VPS13B: variants seen among roughly 807,000 people sequenced by gnomAD.
VPS13B encodes the protein intermembrane lipid transfer protein VPS13B.
VPS13B carries 285 observed loss-of-function variants against 426.4 expected under a neutral mutation model. The ratio of observed to expected loss-of-function variants is 0.67; its 90% CI spans 0.61 to 0.74. VPS13B has a LOEUF of 0.74. Ranked by LOEUF, VPS13B falls within the 30% of genes least tolerant of loss-of-function variation. The pLI is 0.00. For missense variants in VPS13B, 4,537 were observed against 4,782.6 expected (o/e 0.95, Z 1.51); for synonymous variants, 1,676 against 1,676.4 (o/e 1.00, Z 0.01).
In VPS13B at chr8:99,661,337, CAATTTT is replaced by C; in HGVS notation, c.5909-16_5909-11del. 6.2e-7 allele frequency: 1 copy of C among 1,613,240 alleles called. No individual in the cohort carries two copies. The highest frequency in any genetic ancestry group is 1.3e-5 in the African/African-American group (1 of 75,000). Reference sequence around the variant, plus strand: ...GTGATGTAACTGATGTTTTTAATTTCAATTTTGTCACTTTAGATCCTGGGAAGACTC... The same window carrying C: ...GTGATGTAACTGATGTTTTTAATTTCGTCACTTTAGATCCTGGGAAGACTC... On this transcript the variant is annotated splice_polypyrimidine_tract_variant and intron_variant, in intron 34 of 61. Transcript: ENST00000357162.
intron 56 of VPS13B, among the ~76,000 whole-genome samples, chr8:99,854,774 GA>G (rs1816464543): frequency 6.6e-6 from 1 of 152,180 alleles, no homozygotes; most frequent in African/African-American, 2.4e-5. Flanking sequence ...GAGAAATTCA[GA>G]GGATTTGTGT....
chr8:99,813,594 G>T (rs1174165218), intron 44 of VPS13B, among the ~76,000 whole-genome samples: 1 of 152,148 alleles, frequency 6.6e-6, no homozygotes, highest in Admixed American at 6.5e-5. Flanking sequence ...TAGTTCAGTT[G>T]ACTTTTATGG....
At chr8:99,033,708 C>G (rs1013247216) in intron 2 of VPS13B, among the ~76,000 whole-genome samples, 1 of 151,962 alleles carries the variant, frequency 6.6e-6, no homozygotes, top group Admixed American at 6.6e-5. Context: ...CCAGCCTGAC[C>G]ATCATGGTGA....
chr8:99,297,678 A>G (rs986395901), intron 19 of VPS13B, among the ~76,000 whole-genome samples: 1 of 152,212 alleles, frequency 6.6e-6, no homozygotes, highest in Non-Finnish European at 1.5e-5. Context: ...GTGGTTAGCT[A>G]GTGTTTATGT....
chr8:99,028,347 C>A (rs1204346656), intron 2 of VPS13B, among the ~76,000 whole-genome samples: 1 of 149,974 alleles, frequency 6.7e-6, no homozygotes, highest in Non-Finnish European at 1.5e-5. Flanking sequence ...GGGGGCTGAC[C>A]CCCCCACCTC....
chr8:99,517,398 C>T (rs1267122574), intron 29 of VPS13B, among the ~76,000 whole-genome samples: 1 of 152,100 alleles, frequency 6.6e-6, no homozygotes, highest in African/African-American at 2.4e-5. Context: ...TGCATCTGTA[C>T]ACACACGTAT....
intron 5 of VPS13B, among the ~76,000 whole-genome samples, chr8:99,106,434 CAAAA>C (rs71273163): frequency 2.4e-5 from 2 of 84,066 alleles, no homozygotes; most frequent in African/African-American, 5.0e-5. Context: ...GACTCCACCT[CAAAA>C]AAAAAAAAAA....
At chr8:99,833,562 A>C (rs1815207239) in intron 52 of VPS13B, among the ~76,000 whole-genome samples, 1 of 152,218 alleles carries the variant, frequency 6.6e-6, no homozygotes. Flanking sequence ...CAGTATTCAC[A>C]AAATCCTTGA....
chr8:99,816,094 C>T (rs530616808), intron 44 of VPS13B, among the ~76,000 whole-genome samples: 6 of 149,702 alleles, frequency 4.0e-5, no homozygotes, highest in Admixed American at 2.0e-4. Context: ...CATTTGTTTT[C>T]TCTCTCTCTC....
chr8:99,495,246 TGTG>T (rs1820824110), intron 25 of VPS13B, among the ~76,000 whole-genome samples: 1 of 152,240 alleles, frequency 6.6e-6, no homozygotes, highest in Non-Finnish European at 1.5e-5. Context: ...TCACATTTAT[TGTG>T]GTACATGGCA....
chr8:99,277,897 T>C (rs984691272), intron 19 of VPS13B, among the ~76,000 whole-genome samples: 3 of 152,204 alleles, frequency 2.0e-5, no homozygotes, highest in Non-Finnish European at 2.9e-5. Context: ...AATAAGCAAG[T>C]AACTGATGAT....
chr8:99,323,587 A>G lies in VPS13B; in HGVS notation c.2824+48333A>G, dbSNP rs536314245. Among the ~76,000 whole-genome samples the G allele has an allele frequency of 5.4e-4, 83 of 152,342 alleles. 1 individual carries two copies. The highest frequency in any genetic ancestry group is 2.0e-3 in the African/African-American group (82 of 41,584). On this transcript the variant is annotated intron_variant, in intron 19 of 61. Coordinates refer to ENST00000357162, the MANE Select transcript of VPS13B (RefSeq NM_152564.5). ...GTTTATATCCCCAAAGCTCTCTATT[A>G]TATCATGCCATCTCAAATCAAGTGT...
At chr8:99,633,882 C>G (rs940509625) in intron 33 of VPS13B, among the ~76,000 whole-genome samples, 1 of 149,564 alleles carries the variant, frequency 6.7e-6, no homozygotes, top group Non-Finnish European at 1.5e-5. Context: ...ACAAGTCAAA[C>G]TTAAACTCAG....
At chr8:99,402,885 G>A (rs923375602) in intron 21 of VPS13B, among the ~76,000 whole-genome samples, 1 of 152,224 alleles carries the variant, frequency 6.6e-6, no homozygotes, top group South Asian at 2.1e-4. Flanking sequence ...TGTTGCTAGG[G>A]CAGGGCACAT....
intron 61 of VPS13B, among the ~76,000 whole-genome samples, chr8:99,872,085 C>T (rs1404840234): frequency 6.6e-6 from 1 of 152,180 alleles, no homozygotes; most frequent in Non-Finnish European, 1.5e-5. Flanking sequence ...ATTGGGGCAG[C>T]AATTCCACGC....
intron 39 of VPS13B, among the ~76,000 whole-genome samples, chr8:99,761,497 C>A (rs1810929719): frequency 6.6e-6 from 1 of 152,138 alleles, no homozygotes; most frequent in Non-Finnish European, 1.5e-5. Context: ...CTACTCCAAC[C>A]CTCGCCTTGT....
intron 17 of VPS13B, among the ~76,000 whole-genome samples, chr8:99,258,086 A>G (rs1817849269): frequency 6.6e-6 from 1 of 151,556 alleles, no homozygotes; most frequent in South Asian, 2.1e-4. Context: ...CTAAATTATC[A>G]TCATTTAGTT....
intron 17 of VPS13B, among the ~76,000 whole-genome samples, chr8:99,244,616 C>T (rs994888634): frequency 3.9e-5 from 6 of 152,224 alleles, no homozygotes; most frequent in African/African-American, 7.2e-5. Flanking sequence ...TGGAGTTATT[C>T]GGATAAGAAT....
chr8:99,169,867 C>T (rs900336821), intron 15 of VPS13B, among the ~76,000 whole-genome samples, 172 bp from the exon 16 acceptor site: 2 of 151,930 alleles, frequency 1.3e-5, no homozygotes, highest in Admixed American at 6.6e-5. Flanking sequence ...TTAATTTTGA[C>T]CTACTGTCAA....
Sources: gnomAD v4.1 joint callset for allele counts (sites outside exome capture counted in the v4.1 genomes callset) on GRCh38, gnomAD v4.1.1 for gene constraint, MANE v1.5 for transcripts, NCBI Gene and HGNC (gene_info 2026-07-23, HGNC 2026-07-21) for gene names.